The following ELMO1 variants were observed in gnomAD, a reference collection of about 807,000 sequenced individuals.
ELMO1 encodes engulfment and cell motility 1.
A neutral mutation model predicts 98.9 loss-of-function variants in ELMO1; 26 were observed. The observed-to-expected ratio is 0.26, with a 90% CI of 0.19 to 0.36. The LOEUF (loss-of-function observed/expected upper bound fraction) is 0.36, where lower values mean the gene tolerates loss of function less well. Ranked by LOEUF, ELMO1 falls within the 10% of genes least tolerant of loss-of-function variation. The pLI, the probability that ELMO1 is intolerant of heterozygous loss-of-function variation, is 1.00. For missense variants in ELMO1, 627 were observed against 935.2 expected (o/e 0.67, Z 4.30); for synonymous variants, 346 against 346.0 (o/e 1.00, Z 0.00).
At chr7:37,262,735 C>T (rs734045) in intron 5 of ELMO1, among the ~76,000 whole-genome samples, 4,960 of 152,208 alleles carry the variant, frequency 0.033, 267 homozygotes, top group African/African-American at 0.11. Context: ...AGCCAGGTGG[C>T]GAGGGGACCA....
intron 4 of ELMO1, among the ~76,000 whole-genome samples, chr7:37,296,253 A>G (rs1304808393): frequency 2.0e-5 from 3 of 152,056 alleles, no homozygotes; most frequent in Non-Finnish European, 4.4e-5. Flanking sequence ...TGATTACACA[A>G]CCAAGATCCC....
chr7:37,129,000 C>T (rs971435580), intron 14 of ELMO1, among the ~76,000 whole-genome samples: 7 of 152,030 alleles, frequency 4.6e-5, no homozygotes, highest in Non-Finnish European at 1.0e-4. Context: ...CTTCTTCAGA[C>T]AGAACATGGC....
At chr7:37,389,896 C>T (rs1269419026) in intron 1 of ELMO1, among the ~76,000 whole-genome samples, 1 of 152,010 alleles carries the variant, frequency 6.6e-6, no homozygotes, top group East Asian at 1.9e-4. Context: ...AAATTAATCA[C>T]CGTAAGCAGA....
At chr7:37,151,496 C>A (rs1393926141) in intron 13 of ELMO1, among the ~76,000 whole-genome samples, 1 of 152,130 alleles carries the variant, frequency 6.6e-6, no homozygotes, top group Non-Finnish European at 1.5e-5. Flanking sequence ...AGCCTTCCGA[C>A]CTGTAAATAT....
chr7:37,352,023 A>C (rs1367889908), intron 1 of ELMO1, among the ~76,000 whole-genome samples: 1 of 152,232 alleles, frequency 6.6e-6, no homozygotes, highest in Middle Eastern at 3.2e-3. Flanking sequence ...CAATGCAAAA[A>C]TAAAGAGTCA....
chr7:37,259,106 T>G (rs990252068), intron 6 of ELMO1, 75 bp downstream of exon 6: 31 of 1,488,838 alleles, frequency 2.1e-5, no homozygotes, highest in African/African-American at 1.1e-4. Flanking sequence ...AGTTTGCAAG[T>G]GTAAGGCATG....
chr7:37,024,088 T>C (rs1036167898), intron 15 of ELMO1, among the ~76,000 whole-genome samples: 1 of 152,146 alleles, frequency 6.6e-6, no homozygotes, highest in African/African-American at 2.4e-5. Context: ...TCCCTCCTTT[T>C]CTCCTTCCTT....
chr7:37,343,227 C>T (rs1233683564), intron 1 of ELMO1: 1 of 154,144 alleles, frequency 6.5e-6, no homozygotes, highest in Non-Finnish European at 1.4e-5. Context: ...ACAAACAGAT[C>T]TCCACACTAT....
At chr7:37,424,165 A>T (rs184951897) in intron 1 of ELMO1, among the ~76,000 whole-genome samples, 27 of 152,360 alleles carry the variant, frequency 1.8e-4, no homozygotes, top group African/African-American at 6.3e-4. Flanking sequence ...TTCATCAGCC[A>T]TAAATTCTTT....
intron 16 of ELMO1, among the ~76,000 whole-genome samples, chr7:36,910,690 T>G (rs1056551439): frequency 6.6e-6 from 1 of 152,174 alleles, no homozygotes. Context: ...GACCTTGCAC[T>G]GTAGGGGAAG....
At chr7:37,313,624 A>G (rs6955805) in intron 4 of ELMO1, among the ~76,000 whole-genome samples, 2 of 152,240 alleles carry the variant, frequency 1.3e-5, no homozygotes, top group African/African-American at 4.8e-5. Context: ...TCTGGGAAGA[A>G]CGAAGCAATT....
intron 14 of ELMO1, among the ~76,000 whole-genome samples, chr7:37,122,811 C>T (rs183179103): frequency 4.6e-5 from 7 of 152,324 alleles, no homozygotes; most frequent in East Asian, 1.9e-4. Flanking sequence ...GAACTCTCCA[C>T]CCCAAATCAA....
chr7:37,023,489 G>A (rs1353727114), intron 15 of ELMO1, among the ~76,000 whole-genome samples: 2 of 152,150 alleles, frequency 1.3e-5, no homozygotes, highest in Non-Finnish European at 2.9e-5. Context: ...ACTGGTTTAT[G>A]CAGGCATCCT....
intron 14 of ELMO1, among the ~76,000 whole-genome samples, chr7:37,099,919 GC>G (rs1784555458): frequency 6.7e-6 from 1 of 150,086 alleles, no homozygotes; most frequent in Non-Finnish European, 1.5e-5. Context: ...TGCAACCTCC[GC>G]CCCGCCAAGC....
At chr7:37,355,734 G>C (rs1554299950) in intron 1 of ELMO1, among the ~76,000 whole-genome samples, 1 of 152,214 alleles carries the variant, frequency 6.6e-6, no homozygotes, top group Non-Finnish European at 1.5e-5. Context: ...TAGTCCTCCA[G>C]GAAAGTTCTC....
At chr7:37,101,231 C>T (rs1784622422) in intron 14 of ELMO1, among the ~76,000 whole-genome samples, 1 of 152,202 alleles carries the variant, frequency 6.6e-6, no homozygotes, top group African/African-American at 2.4e-5. Flanking sequence ...CACCTGCTTA[C>T]ACCAAGAATG....
chr7:37,121,500 C>T (rs1040798021), intron 14 of ELMO1, among the ~76,000 whole-genome samples: 20 of 152,170 alleles, frequency 1.3e-4, no homozygotes, highest in African/African-American at 2.9e-4. Context: ...GTAGCCAATT[C>T]GATCAGCTGG....
At chr7:37,297,278 C>T (rs1004146073) in intron 4 of ELMO1, among the ~76,000 whole-genome samples, 5 of 152,150 alleles carry the variant, frequency 3.3e-5, no homozygotes, top group African/African-American at 1.2e-4. Context: ...ACTCCTTCTG[C>T]AATTCCTGAA....
intron 15 of ELMO1, among the ~76,000 whole-genome samples, chr7:37,096,015 A>T (rs116824444): frequency 2.0e-5 from 3 of 152,250 alleles, no homozygotes; most frequent in Admixed American, 6.5e-5. Context: ...AATTATGCCA[A>T]TGAACAAAAG....
Sources: gnomAD v4.1 joint callset for allele counts (sites outside exome capture counted in the v4.1 genomes callset) on GRCh38, gnomAD v4.1.1 for gene constraint, MANE v1.5 for transcripts, NCBI Gene and HGNC (gene_info 2026-07-23, HGNC 2026-07-21) for gene names.